The following PTPN14 variants were observed in gnomAD, a reference collection of about 807,000 sequenced individuals.
PTPN14 encodes protein tyrosine phosphatase non-receptor type 14, also known as tyrosine-protein phosphatase non-receptor type 14.
In PTPN14, 53 loss-of-function variants were observed where a neutral mutation model predicts 126.8. The observed-to-expected ratio is 0.42, with a 90% CI of 0.34 to 0.53. The LOEUF is 0.53. PTPN14 is among the 20% of genes least tolerant of loss of function. PTPN14 has a pLI of 0.08. For missense variants in PTPN14, 1,257 were observed against 1,552.9 expected (o/e 0.81, Z 3.20); for synonymous variants, 630 against 599.3 (o/e 1.05, Z -0.75).
At chr1:214,409,158 G>A (rs1039045321) in intron 5 of PTPN14, among the ~76,000 whole-genome samples, 6 of 152,062 alleles carry the variant, frequency 3.9e-5, no homozygotes, top group African/African-American at 7.2e-5. Flanking sequence ...TATTATCAAC[G>A]ATAGTCACCT....
At position 214,369,484 on chromosome 1, in the gene PTPN14, A is replaced by G; in HGVS notation, c.3244T>C (p.Cys1082Arg). 1 of 1,614,222 alleles carries G rather than the reference A, an allele frequency of 6.2e-7. No individual in the cohort carries two copies. The change falls in exon 17 of 19, where the codon TGT becomes CGT. Residue 1082 changes from cysteine to arginine, a missense_variant. Physicochemically the swap from Cys to Arg is radical, Grantham distance 180 (BLOSUM62 -3). This residue lies in a region of PTPN14 where 171 missense variants were observed against 229.8 expected (regional missense o/e 0.74). Transcript: ENST00000366956. Reference sequence around the variant, plus strand: ...AAAAATCCTTGGACATCTTCTGGACAGCCGTGATCTGGCCAGTCAGTATAT... The same window carrying G: ...AAAAATCCTTGGACATCTTCTGGACGGCCGTGATCTGGCCAGTCAGTATAT... ...LQYTDWPDHG[C>R]PEDVQGFLSY...
At chr1:214,450,944 G>A (rs562356920) in intron 3 of PTPN14, among the ~76,000 whole-genome samples, 3 of 152,260 alleles carry the variant, frequency 2.0e-5, no homozygotes, top group South Asian at 4.2e-4. Context: ...GCAATACCTT[G>A]TTCTCCTCTT....
chr1:214,532,175 C>T (rs11807154), intron 1 of PTPN14: 3,353 of 325,006 alleles, frequency 0.01, 123 homozygotes, highest in African/African-American at 0.067. Context: ...CCTGTCCTCT[C>T]GTTCTCCTCC....
At chr1:214,410,694 A>C (rs1659287924) in intron 5 of PTPN14, among the ~76,000 whole-genome samples, 1 of 152,216 alleles carries the variant, frequency 6.6e-6, no homozygotes, top group South Asian at 2.1e-4. Flanking sequence ...TCCCAGCACC[A>C]ATTGCTGAAT....
At chr1:214,464,455 TG>T in intron 2 of PTPN14, among the ~76,000 whole-genome samples, 174 bp downstream of exon 2, 1 of 152,330 alleles carries the variant, frequency 6.6e-6, no homozygotes, top group South Asian at 2.1e-4. Context: ...CATCCAATGA[TG>T]GATAAGATCA....
intron 15 of PTPN14, among the ~76,000 whole-genome samples, chr1:214,374,631 C>T (rs1028018565): frequency 2.6e-5 from 4 of 152,232 alleles, no homozygotes; most frequent in Non-Finnish European, 4.4e-5. Context: ...GGGGAAAACA[C>T]TGGCAAAATA....
At chr1:214,537,985 T>C (rs975405471) in intron 1 of PTPN14, among the ~76,000 whole-genome samples, 6 of 152,222 alleles carry the variant, frequency 3.9e-5, no homozygotes, top group Non-Finnish European at 8.8e-5. Flanking sequence ...TTACTTTTTT[T>C]TGATAACAAG....
intron 3 of PTPN14, among the ~76,000 whole-genome samples, chr1:214,443,349 C>A (rs1456237811): frequency 6.6e-6 from 1 of 152,118 alleles, no homozygotes; most frequent in Non-Finnish European, 1.5e-5. Flanking sequence ...CACCACCTCC[C>A]CAATTCCTGC....
chr1:214,451,986 G>A lies in PTPN14; in HGVS notation c.175-12C>T. The A allele has an allele frequency of 6.2e-7, 1 of 1,609,988 alleles. No individual in the cohort carries two copies. The highest frequency in any genetic ancestry group is 8.5e-7 in the Non-Finnish European group (1 of 1,178,000). On this transcript the variant is annotated splice_polypyrimidine_tract_variant and intron_variant, in intron 2 of 18. Transcript: ENST00000366956. ...CCAAAGTAGTGCGTCTAGATAAAAG[G>A]GTAAAATAGCATCAGTTCATGCTCA...
chr1:214,449,253 G>A lies in PTPN14; in HGVS notation c.344+2552C>T, dbSNP rs559708282. Among the ~76,000 whole-genome samples, 261 of 151,932 alleles carry A rather than the reference G, an allele frequency of 1.7e-3. 1 individual carries two copies. Among genetic ancestry groups the A allele is most frequent in the Non-Finnish European group, 2.6e-3 (175 of 67,958 alleles). ...GATCTCCTGACCTCGTGATCCGCCC[G>A]CCTCGGCCTCCCAAAGTGCTGGGAT... On this transcript the variant is annotated intron_variant, in intron 3 of 18. Transcript: ENST00000366956.
chr1:214,352,782 G>C lies in PTPN14; in HGVS notation c.*5140C>G, dbSNP rs1417034894. On this transcript the variant is annotated 3_prime_UTR_variant, in exon 19 of 19. Coordinates refer to ENST00000366956, the MANE Select transcript of PTPN14 (RefSeq NM_005401.5). ...ATTTCTCCATTTGGAAACCATGCTG[G>C]ATGAGCTGTTGCTCTGCTCATGAAA... The C allele has an allele frequency of 1.3e-5, 2 of 152,190 alleles. No homozygotes were observed. Among genetic ancestry groups the C allele is most frequent in the African/African-American group, 2.4e-5 (1 of 41,442 alleles). 9.4% of individuals were successfully genotyped at this position (152,190 alleles called of 1,614,324 possible). A position where few individuals can be genotyped will look rare whatever the true frequency, so the allele number is the denominator to read the frequency against.
intron 10 of PTPN14, among the ~76,000 whole-genome samples, chr1:214,392,209 C>A (rs1440104042): frequency 6.6e-6 from 1 of 151,328 alleles, no homozygotes; most frequent in African/African-American, 2.4e-5. Flanking sequence ...AGAGAGAGAG[C>A]GAGAGAGAGT....
At chr1:214,500,943 T>C (rs1019262298) in intron 1 of PTPN14, among the ~76,000 whole-genome samples, 7 of 152,172 alleles carry the variant, frequency 4.6e-5, no homozygotes, top group African/African-American at 1.7e-4. Flanking sequence ...TCGTAATTAT[T>C]CATTACTGCT....
In PTPN14 at chr1:214,391,016, C is replaced by T; in HGVS notation, c.959G>A (p.Arg320His). Residue 320 changes from arginine to histidine, a missense_variant, in exon 11 of 19, where the codon CGC becomes CAC. Coordinates refer to ENST00000366956, the MANE Select transcript of PTPN14 (RefSeq NM_005401.5). ...AGAGGATCGGCTCCAGGTGGGCTGGCGTCTGATGGGGGGTGGAGAATTTGA... is the reference window on the plus strand; with the variant it reads ...AGAGGATCGGCTCCAGGTGGGCTGGTGTCTGATGGGGGGTGGAGAATTTGA... ...EQSNSPPPIRRQPTWSRSSLP... is the reference protein window; with the variant it reads ...EQSNSPPPIRHQPTWSRSSLP... The T allele has an allele frequency of 6.3e-7, 1 of 1,583,608 alleles. No individual in the cohort carries two copies. The highest frequency in any genetic ancestry group is 1.2e-5 in the South Asian group (1 of 85,998).
At chr1:214,521,769 A>G (rs1558140206) in intron 1 of PTPN14, among the ~76,000 whole-genome samples, 1 of 152,124 alleles carries the variant, frequency 6.6e-6, no homozygotes, top group Non-Finnish European at 1.5e-5. Flanking sequence ...GAAGACTTCA[A>G]TAAGAAAAAC....
intron 1 of PTPN14, among the ~76,000 whole-genome samples, chr1:214,497,865 T>C (rs1048458393): frequency 6.6e-6 from 1 of 151,756 alleles, no homozygotes; most frequent in Non-Finnish European, 1.5e-5. Flanking sequence ...AAAAGGAAAA[T>C]ATAAAACTAT....
At chr1:214,402,627 C>T (rs1014102861) in intron 6 of PTPN14, among the ~76,000 whole-genome samples, 1 of 61,674 alleles carries the variant, frequency 1.6e-5, no homozygotes, top group Non-Finnish European at 2.9e-5. Context: ...TTCCCAGATT[C>T]TCTAAGGAAG....
chr1:214,375,491 C>T (rs1658323919), intron 15 of PTPN14, among the ~76,000 whole-genome samples: 1 of 152,174 alleles, frequency 6.6e-6, no homozygotes, highest in Non-Finnish European at 1.5e-5. Context: ...AAATAAGTGT[C>T]CCTCTGTTAA....
intron 1 of PTPN14, among the ~76,000 whole-genome samples, chr1:214,546,160 G>C (rs1655963742): frequency 6.6e-6 from 1 of 152,144 alleles, no homozygotes; most frequent in Admixed American, 6.5e-5. Context: ...AAATGCAGTT[G>C]GTCAGGACCA....
Sources: allele counts gnomAD v4.1 joint callset (sites outside exome capture counted in the v4.1 genomes callset), GRCh38; gene constraint gnomAD v4.1.1; regional missense constraint gnomAD v4.1.1; transcripts MANE v1.5; gene names NCBI Gene and HGNC (gene_info 2026-07-23, HGNC 2026-07-21).